The following CLU variants were observed in gnomAD, a reference collection of about 807,000 sequenced individuals.
CLU encodes the protein aging-associated protein 4.
A neutral mutation model predicts 46.4 loss-of-function variants in CLU; 25 were observed. The observed-to-expected ratio is 0.54, with a 90% CI of 0.39 to 0.75. The LOEUF is 0.75. Ranked by LOEUF, CLU falls within the 30% of genes least tolerant of loss-of-function variation. The pLI is 0.00. For missense variants in CLU, 504 were observed against 592.1 expected, an observed-to-expected ratio of 0.85 and a Z score of 1.54; for synonymous variants, 235 against 235.1, an observed-to-expected ratio of 1.00 and a Z score of 0.00.
At chr8:27,608,607 G>A (rs1372640552) in intron 3 of CLU, 21 of 494,762 alleles carry the variant, frequency 4.2e-5, no homozygotes, top group Non-Finnish European at 7.4e-5. Flanking sequence ...AAGGTTGGAC[G>A]CCACGCCTGT....
At chr8:27,610,451 G>A (rs1375619251) in intron 2 of CLU, 24 bp downstream of exon 2, 2 of 1,587,552 alleles carry the variant, frequency 1.3e-6, no homozygotes, top group African/African-American at 2.7e-5. Flanking sequence ...GTGGCCAGAG[G>A]AACATCATGC....
rs1302697211 is a variant in CLU, at chr8:27,597,142, A to T, written c.*1099T>A. ...TTATAACTTCAAAGAGAGACAAGGG[A>T]CAGTGACTTAAGAATATTCTAAGCT... On this transcript the variant is annotated 3_prime_UTR_variant, in exon 9 of 9. Coordinates refer to ENST00000316403, the MANE Select transcript of CLU (RefSeq NM_001831.4). 2.2e-6 allele frequency: 1 copy of T among 454,042 alleles called. No homozygotes were observed. Among genetic ancestry groups the T allele is most frequent in the Non-Finnish European group, 4.4e-6 (1 of 226,810 alleles). The allele number at this position is 454,042 out of a possible 1,614,324, so 28.1% of individuals were successfully genotyped here. A position where few individuals can be genotyped will look rare whatever the true frequency, so the allele number is the denominator to read the frequency against.
At chr8:27,611,871 C>G (rs1056103962) in intron 1 of CLU, 1 of 418,324 alleles carries the variant, frequency 2.4e-6, no homozygotes, top group Admixed American at 2.6e-5. Context: ...CAGCTGCCCA[C>G]TGAGCCCTGA....
chr8:27,597,213 A>G lies in CLU; in HGVS notation c.*1028T>C, dbSNP rs150082283. The G allele has an allele frequency of 9.7e-3, 4,392 of 454,444 alleles. 37 individuals carry two copies. The highest frequency in any genetic ancestry group is 0.021 in the South Asian group (1,333 of 64,474). 28.2% of individuals were successfully genotyped at this position (454,444 alleles called of 1,614,324 possible). On this transcript the variant is annotated 3_prime_UTR_variant, in exon 9 of 9. Transcript: ENST00000316403. ...TGCTACACACCTGGGATGCAGCCAG[A>G]TGAGTTTTGTTCCATTGCAGTACAT... is the stretch of plus-strand genomic sequence containing the variant.
chr8:27,603,996 A>C (rs1800767519), intron 6 of CLU, among the ~76,000 whole-genome samples: 2 of 152,298 alleles, frequency 1.3e-5, no homozygotes, highest in East Asian at 1.9e-4. Context: ...CAGGGGGATG[A>C]CTTTTTTCAA....
intron 5 of CLU, 108 bp from the exon 6 acceptor site, chr8:27,604,503 C>G: frequency 1.1e-6 from 1 of 930,308 alleles, no homozygotes; most frequent in Non-Finnish European, 1.7e-6. Flanking sequence ...GACAGGGTCT[C>G]ACTCTGTTGC....
Position 27,606,397 on chromosome 8 carries a change from T to G in CLU, c.374A>C (p.Tyr125Ser), listed in dbSNP as rs1800822870. The change falls in exon 4 of 9, where the codon TAC (tyrosine) becomes TCC (serine). Residue 125 changes from tyrosine to serine, a missense_variant. By Grantham distance (144) the Tyr-to-Ser change is moderately radical. Around this residue, in one of 3 missense-constraint regions of CLU, gnomAD observed 428 missense variants for 484.0 expected, o/e 0.88. Transcript: ENST00000316403. Reference sequence around the variant, plus strand: ...TGAGCCACTTCTGCAGACGCGTGCGTAGAACTTCATGCAGGTCTGTTTCAG... The same window carrying G: ...TGAGCCACTTCTGCAGACGCGTGCGGAGAACTTCATGCAGGTCTGTTTCAG... ...PCLKQTCMKF[Y>S]ARVCRSGSGL... is the part of the protein sequence containing the mutation. 4.3e-6 allele frequency: 7 copies of G among 1,614,248 alleles called. No homozygotes were observed. The highest frequency in any genetic ancestry group is 5.9e-6 in the Non-Finnish European group (7 of 1,180,054).
chr8:27,606,620 G>T, intron 3 of CLU, 96 bp from the exon 4 acceptor site: 1 of 1,487,216 alleles, frequency 6.7e-7, no homozygotes, highest in Non-Finnish European at 9.3e-7. Context: ...CCCAGGGCAG[G>T]CCTTCCCATA....
intron 6 of CLU, among the ~76,000 whole-genome samples, chr8:27,602,927 T>C (rs377153358): frequency 6.6e-6 from 1 of 151,792 alleles, no homozygotes; most frequent in Non-Finnish European, 1.5e-5. Flanking sequence ...TAGCTGGGTG[T>C]GGTGGTGCAC....
chr8:27,603,957 C>T (rs549852610), intron 6 of CLU, among the ~76,000 whole-genome samples: 4 of 152,284 alleles, frequency 2.6e-5, no homozygotes, highest in East Asian at 1.9e-4. Flanking sequence ...CTGCGCTTGG[C>T]GCTTGGGAAC....
At chr8:27,604,155 C>T (rs1312672496) in intron 6 of CLU, 136 bp downstream of exon 6, 4 of 724,714 alleles carry the variant, frequency 5.5e-6, no homozygotes, top group Admixed American at 2.0e-5. Context: ...TGCCCCGGGA[C>T]ACAGCTCAAA....
In CLU at chr8:27,604,916, C is replaced by T; in HGVS notation, c.829+8G>A. On this transcript the variant is annotated splice_region_variant and intron_variant, in intron 5 of 8. Transcript: ENST00000316403. ...CTCAAAAGGCCATGAGCTTCCACCC[C>T]TTCTCACCTCGTATGAATTCTGTTG... The T allele has an allele frequency of 1.9e-6, 3 of 1,614,152 alleles. No homozygotes were observed. The highest frequency in any genetic ancestry group is 2.5e-6 in the Non-Finnish European group (3 of 1,180,028).
Position 27,605,080 on chromosome 8 carries a change from T to C in CLU, c.673A>G (p.Ile225Val). Residue 225 changes from isoleucine to valine, a missense_variant, in exon 5 of 9, where the codon ATC becomes GTC. Physicochemically the swap from Ile to Val is conservative, Grantham distance 29. Transcript: ENST00000316403. ...RPHFFFPKSR[I>V]VRSLMPFSPY... ...GAGAAGGGCATCAAGCTGCGGACGATGCGGGACTTGGGAAAGAAGAAGTGA... is the reference window on the plus strand; with the variant it reads ...GAGAAGGGCATCAAGCTGCGGACGACGCGGGACTTGGGAAAGAAGAAGTGA... The C allele has an allele frequency of 1.2e-6, 2 of 1,613,972 alleles. No homozygotes were observed. Among genetic ancestry groups the C allele is most frequent in the Non-Finnish European group, 1.7e-6 (2 of 1,180,024 alleles).
chr8:27,606,632 G>A, intron 3 of CLU, 108 bp from the exon 4 acceptor site: 1 of 1,343,746 alleles, frequency 7.4e-7, no homozygotes. Flanking sequence ...CTTCCCATAG[G>A]CTGGCCACCC....
Position 27,610,613 on chromosome 8 carries a change from G to A in CLU, c.-29-13C>T, listed in dbSNP as rs749719159. 1 of 1,593,932 alleles carries A rather than the reference G, an allele frequency of 6.3e-7. No individual in the cohort carries two copies. Among genetic ancestry groups the A allele is most frequent in the Non-Finnish European group, 8.6e-7 (1 of 1,161,792 alleles). On this transcript the variant is annotated splice_polypyrimidine_tract_variant and intron_variant, in intron 1 of 8. Coordinates refer to ENST00000316403, the MANE Select transcript of CLU (RefSeq NM_001831.4). ...TCTTTGCACGCCTCTGCAGAGAACA[G>A]GAGACCATCATGGGAACAGCTAGAC...
intron 7 of CLU, 35 bp from the exon 8 acceptor site, chr8:27,598,670 CA>C: frequency 6.2e-7 from 1 of 1,606,428 alleles, no homozygotes; most frequent in Non-Finnish European, 8.5e-7. Context: ...AGAGCTGAAA[CA>C]CTGTGGTCAA....
At chr8:27,609,228 G>T (rs1800879259) in intron 2 of CLU, 142 bp from the exon 3 acceptor site, 1 of 876,810 alleles carries the variant, frequency 1.1e-6, no homozygotes, top group Non-Finnish European at 1.9e-6. Flanking sequence ...GCAGGCAGCA[G>T]CATGGCCCCA....
At chr8:27,614,431 TG>T (rs1435016025) in intron 1 of CLU, 1 of 313,312 alleles carries the variant, frequency 3.2e-6, no homozygotes, top group Admixed American at 4.9e-5. Context: ...GAATTGTGGT[TG>T]GAGCTCGTGC....
chr8:27,602,178 C>T (rs1394269706), intron 6 of CLU, among the ~76,000 whole-genome samples: 4 of 152,122 alleles, frequency 2.6e-5, no homozygotes, highest in Admixed American at 6.5e-5. Flanking sequence ...CGCTGTCACC[C>T]AGGGAGATTT....
Sources: gnomAD v4.1 joint callset for allele counts (sites outside exome capture counted in the v4.1 genomes callset) on GRCh38, gnomAD v4.1.1 for gene constraint, gnomAD v4.1.1 regional missense constraint, MANE v1.5 for transcripts, NCBI Gene and HGNC (gene_info 2026-07-23, HGNC 2026-07-21) for gene names.